The following TPTE2 variants were observed in gnomAD, a reference collection of about 807,000 sequenced individuals.
TPTE2 encodes the protein transmembrane phosphoinositide 3-phosphatase and tensin homolog 2, also known as phosphatidylinositol 3,4,5-trisphosphate 3-phosphatase TPTE2.
TPTE2 carries 53 observed loss-of-function variants against 78.6 expected under a neutral mutation model. That is an observed-to-expected ratio of 0.67 (90% CI 0.54 to 0.85). TPTE2 has a LOEUF of 0.85. Ranked by LOEUF, TPTE2 falls within the 40% of genes least tolerant of loss-of-function variation. The pLI is 0.00. For missense variants in TPTE2, 461 were observed against 623.0 expected (o/e 0.74, Z 2.77); for synonymous variants, 175 against 206.2 (o/e 0.85, Z 1.30).
chr13:19,509,194 C>T (rs1435438608), intron 1 of TPTE2, among the ~76,000 whole-genome samples: 2 of 151,912 alleles, frequency 1.3e-5, no homozygotes, highest in Non-Finnish European at 2.9e-5. Context: ...TGGTTAAAAG[C>T]AAAGAGTACA....
intron 1 of TPTE2, among the ~76,000 whole-genome samples, chr13:19,511,977 T>C (rs574026563): frequency 1.3e-5 from 2 of 152,184 alleles, no homozygotes; most frequent in African/African-American, 2.4e-5. Context: ...ACATTGAAGA[T>C]AGTTCTAACA....
chr13:19,539,324 A>G (rs1235556316), upstream of TPTE2, among the ~76,000 whole-genome samples: 1 of 152,240 alleles, frequency 6.6e-6, no homozygotes, highest in Non-Finnish European at 1.5e-5. Context: ...ATGGGAGGTA[A>G]CTGAATCATG....
chr13:19,452,601 A>G (rs573290660), intron 10 of TPTE2, among the ~76,000 whole-genome samples: 1 of 152,326 alleles, frequency 6.6e-6, no homozygotes, highest in African/African-American at 2.4e-5. Context: ...AACAAAGTCA[A>G]AACAACAATG....
chr13:19,437,839 T>C (rs1877211050), intron 14 of TPTE2, among the ~76,000 whole-genome samples: 3 of 152,132 alleles, frequency 2.0e-5, no homozygotes, highest in East Asian at 1.9e-4. Context: ...ATTATAATTT[T>C]TAGCATTCCC....
intron 3 of TPTE2, among the ~76,000 whole-genome samples, chr13:19,491,346 T>C (rs571446707): frequency 2.3e-4 from 35 of 152,286 alleles, no homozygotes; most frequent in African/African-American, 7.7e-4. Context: ...AAATACATTT[T>C]TTGCACCAAA....
chr13:19,531,191 AGGCTGAAT>A, intron 1 of TPTE2, among the ~76,000 whole-genome samples: 1 of 152,160 alleles, frequency 6.6e-6, no homozygotes, highest in African/African-American at 2.4e-5. Context: ...ACTTCTTTCA[AGGCTGAAT>A]CATATTCCAT....
chr13:19,427,641 T>C (rs1016580597), intron 17 of TPTE2, among the ~76,000 whole-genome samples: 1 of 152,186 alleles, frequency 6.6e-6, no homozygotes, highest in African/African-American at 2.4e-5. Context: ...TGGGCCTGCA[T>C]GCTCCTCCCA....
intron 1 of TPTE2, among the ~76,000 whole-genome samples, chr13:19,534,241 A>T (rs1026998896): frequency 2.0e-5 from 3 of 152,222 alleles, no homozygotes; most frequent in African/African-American, 7.2e-5. Flanking sequence ...CAACATCCTG[A>T]ACATGAGAAA....
At chr13:19,554,477 A>G in the TPTE2 span, among the ~76,000 whole-genome samples, 78 of 152,164 alleles carry the variant, frequency 5.1e-4, no homozygotes, top group African/African-American at 1.9e-3. Context: ...TTGCATCAGT[A>G]TCCCATTTTA....
At chr13:19,537,807 G>A (rs1871295654), upstream of TPTE2, among the ~76,000 whole-genome samples, 1 of 151,500 alleles carries the variant, frequency 6.6e-6, no homozygotes, top group Non-Finnish European at 1.5e-5. Flanking sequence ...GTTTCACCAT[G>A]TTGGCCAGGC....
intron 1 of TPTE2, among the ~76,000 whole-genome samples, chr13:19,533,424 T>C (rs535444370): frequency 1.3e-5 from 2 of 152,330 alleles, no homozygotes; most frequent in East Asian, 3.9e-4. Flanking sequence ...GAGAGGAATA[T>C]ATAATAAAGA....
intron 1 of TPTE2, among the ~76,000 whole-genome samples, chr13:19,518,061 T>C (rs1013677948): frequency 1.3e-5 from 2 of 152,198 alleles, no homozygotes; most frequent in African/African-American, 4.8e-5. Context: ...TCTGAATAAC[T>C]ATGTTTGTTT....
At chr13:19,426,030 G>C (rs1208326052) in intron 18 of TPTE2, among the ~76,000 whole-genome samples, 1 of 151,490 alleles carries the variant, frequency 6.6e-6, no homozygotes, top group Non-Finnish European at 1.5e-5. Flanking sequence ...CTGCACTCCA[G>C]CCTGGGTGAC....
chr13:19,530,506 G>A (rs2446460), intron 1 of TPTE2, among the ~76,000 whole-genome samples: 20,519 of 152,144 alleles, frequency 0.13, 1,535 homozygotes, highest in African/African-American at 0.19. Context: ...TCCTTCAAAT[G>A]GTTGAAGTAT....
At chr13:19,448,923 T>C (rs975865154) in intron 13 of TPTE2, among the ~76,000 whole-genome samples, 1 of 152,168 alleles carries the variant, frequency 6.6e-6, no homozygotes, top group Non-Finnish European at 1.5e-5. Flanking sequence ...GAATAAAGAA[T>C]ATGTGGTATA....
chr13:19,457,100 A>G (rs1878584370), intron 10 of TPTE2, among the ~76,000 whole-genome samples: 3 of 152,224 alleles, frequency 2.0e-5, no homozygotes, highest in Non-Finnish European at 4.4e-5. Context: ...TAAATGGTAC[A>G]GGAGGAATTG....
intron 1 of TPTE2, among the ~76,000 whole-genome samples, chr13:19,536,391 C>T (rs1219202645): frequency 3.3e-5 from 5 of 152,082 alleles, no homozygotes; most frequent in Non-Finnish European, 7.3e-5. Flanking sequence ...AAATGACCAC[C>T]TGTGAACCTG....
At chr13:19,456,317 C>T (rs1313874779) in intron 10 of TPTE2, among the ~76,000 whole-genome samples, 4 of 151,950 alleles carry the variant, frequency 2.6e-5, no homozygotes, top group South Asian at 4.1e-4. Flanking sequence ...TCCTTCTCTA[C>T]AAAAATTAAT....
intron 10 of TPTE2, among the ~76,000 whole-genome samples, chr13:19,452,902 C>G (rs1878266906): frequency 6.6e-6 from 1 of 151,928 alleles, no homozygotes; most frequent in Non-Finnish European, 1.5e-5. Flanking sequence ...AATCATAGCA[C>G]TAATGAAATA....
Sources: allele counts gnomAD v4.1 joint callset (sites outside exome capture counted in the v4.1 genomes callset), GRCh38; gene constraint gnomAD v4.1.1; transcripts MANE v1.5; gene names NCBI Gene and HGNC (gene_info 2026-07-23, HGNC 2026-07-21).